Variants in EGFLAM observed in about 807,000 individuals in gnomAD.
The protein encoded by EGFLAM is pikachurin.
In EGFLAM, 79 loss-of-function variants were observed where a neutral mutation model predicts 113.1. That is an observed-to-expected ratio of 0.70 (90% CI 0.58 to 0.84). The LOEUF is 0.84. EGFLAM is among the 40% of genes least tolerant of loss of function. EGFLAM has a pLI of 0.00. For missense variants in EGFLAM, 1,265 were observed against 1,291.6 expected (o/e 0.98, Z 0.32); for synonymous variants, 504 against 487.6 (o/e 1.03, Z -0.44).
At chr5:38,452,111 A>G (rs1742938104) in intron 19 of EGFLAM, among the ~76,000 whole-genome samples, 1 of 143,044 alleles carries the variant, frequency 7.0e-6, no homozygotes, top group South Asian at 2.2e-4. Context: ...ATCTCGGCTC[A>G]CTGCAACCTC....
intron 1 of EGFLAM, among the ~76,000 whole-genome samples, chr5:38,263,368 A>C (rs1213384687): frequency 6.6e-6 from 1 of 152,204 alleles, no homozygotes; most frequent in East Asian, 1.9e-4. Flanking sequence ...AGGCTGAGGC[A>C]CGAGAATCAC....
At chr5:38,298,624 T>C (rs1458604626) in intron 1 of EGFLAM, among the ~76,000 whole-genome samples, 1 of 152,222 alleles carries the variant, frequency 6.6e-6, no homozygotes, top group African/African-American at 2.4e-5. Context: ...CAATACAATA[T>C]GTAAATATAT....
intron 6 of EGFLAM, among the ~76,000 whole-genome samples, chr5:38,376,697 G>C (rs748199112): frequency 2.0e-5 from 3 of 152,086 alleles, no homozygotes; most frequent in African/African-American, 7.2e-5. Flanking sequence ...ATAGGCTTCT[G>C]GTTTTCTTGA....
intron 1 of EGFLAM, among the ~76,000 whole-genome samples, chr5:38,269,161 G>A (rs895518131): frequency 3.9e-5 from 6 of 152,052 alleles, no homozygotes; most frequent in Admixed American, 1.3e-4. Flanking sequence ...CCTGGGCGAT[G>A]GGAGTGAGAC....
At chr5:38,288,640 G>A (rs1199603383) in intron 1 of EGFLAM, among the ~76,000 whole-genome samples, 2 of 152,116 alleles carry the variant, frequency 1.3e-5, no homozygotes, top group African/African-American at 4.8e-5. Flanking sequence ...GGAGAGAAGT[G>A]GTATTGTTCA....
At chr5:38,337,408 A>G (rs1416560039) in intron 1 of EGFLAM, 112 bp from the exon 2 acceptor site, 22 of 1,010,368 alleles carry the variant, frequency 2.2e-5, no homozygotes, top group Non-Finnish European at 3.0e-5. Context: ...TTCTGGAATT[A>G]TCTTTAAGTA....
In EGFLAM at chr5:38,421,474, T is replaced by A. The variant is rs960417875; in HGVS notation, c.1684+3219T>A. 2.0e-5 allele frequency among the ~76,000 whole-genome samples: 3 copies of A among 152,314 alleles called. No individual in the cohort carries two copies. In the East Asian group the frequency reaches 5.8e-4, roughly 29 times the overall value. On this transcript the variant is annotated intron_variant, in intron 12 of 21. Coordinates refer to ENST00000322350, the MANE Select transcript of EGFLAM (RefSeq NM_152403.4). ...TCAGGGGGTCTGCGGTGACCATGGG[T>A]CTCACTATGGCTTACGAGCTCTTTT...
chr5:38,423,583 G>A (rs1450261409), intron 12 of EGFLAM, among the ~76,000 whole-genome samples: 1 of 152,186 alleles, frequency 6.6e-6, no homozygotes, highest in Non-Finnish European at 1.5e-5. Flanking sequence ...CACAGAAATT[G>A]GCGGGGCTCA....
intron 3 of EGFLAM, among the ~76,000 whole-genome samples, chr5:38,349,077 T>C (rs1468976509): frequency 1.3e-5 from 2 of 152,202 alleles, no homozygotes; most frequent in Admixed American, 6.5e-5. Flanking sequence ...GTTGAATGCT[T>C]TAAAAAATTG....
chr5:38,377,830 TAC>T (rs2112052618), intron 6 of EGFLAM, among the ~76,000 whole-genome samples: 1 of 152,102 alleles, frequency 6.6e-6, no homozygotes, highest in African/African-American at 2.4e-5. Context: ...CTAAAAAGAG[TAC>T]AGTTTGCTGA....
intron 6 of EGFLAM, among the ~76,000 whole-genome samples, chr5:38,375,367 TCTCA>T (rs1285372448): frequency 6.6e-6 from 1 of 152,184 alleles, no homozygotes; most frequent in Non-Finnish European, 1.5e-5. Context: ...TTCTCGTCCC[TCTCA>T]CTCCTCTCTG....
intron 1 of EGFLAM, among the ~76,000 whole-genome samples, chr5:38,298,322 A>G (rs1758496353): frequency 6.6e-6 from 1 of 152,082 alleles, no homozygotes; most frequent in African/African-American, 2.4e-5. Flanking sequence ...ATTTTTAGGT[A>G]CTGTCTTCCA....
Position 38,418,109 on chromosome 5 carries a change from G to T in EGFLAM, c.1538G>T (p.Gly513Val). ...ACTTTCCGGACACCTCTCTATCTTG[G>T]TGGCGCTCCCAGCGCTTACTGGTTG... The part of the protein sequence containing the change: ...KITFRTPLYL[G>V]GAPSAYWLVR... Residue 513 changes from glycine (G) to valine (V), a missense_variant, in exon 12 of 22, where the codon GGT becomes GTT. By Grantham distance (109) the Gly-to-Val change is moderately radical. Coordinates refer to ENST00000322350, the MANE Select transcript of EGFLAM (RefSeq NM_152403.4). 1 of 1,614,124 alleles carries T rather than the reference G, an allele frequency of 6.2e-7. No individual in the cohort carries two copies. Among genetic ancestry groups the T allele is most frequent in the Non-Finnish European group, 8.5e-7 (1 of 1,180,006 alleles).
At position 38,321,526 on chromosome 5, in the gene EGFLAM, G is replaced by A. The variant is rs146586202; in HGVS notation, c.98-15994G>A. ...GGCTCCCACACAGAGTAGGTACTTG[G>A]AAGTGGTTTTGCGCCTTTACCTTCT... On this transcript the variant is annotated intron_variant, in intron 1 of 21. Transcript: ENST00000322350. 2.8e-3 allele frequency among the ~76,000 whole-genome samples: 430 copies of A among 152,270 alleles called. 3 individuals carry two copies. Among genetic ancestry groups the A allele is most frequent in the Non-Finnish European group, 4.4e-3 (299 of 68,016 alleles).
chr5:38,459,777 CTGCTGGGCCCCCAACCCTG>C (rs1215432021), intron 20 of EGFLAM, among the ~76,000 whole-genome samples: 7 of 24,372 alleles, frequency 2.9e-4, no homozygotes, highest in African/African-American at 2.7e-3. Context: ...CAACCCCTGG[CTGCTGGGCCCCCAACCCTG>C]GCTGTTGGGC....
At chr5:38,259,891 C>T (rs1190949178) in intron 1 of EGFLAM, among the ~76,000 whole-genome samples, 1 of 152,180 alleles carries the variant, frequency 6.6e-6, no homozygotes, top group African/African-American at 2.4e-5. Flanking sequence ...ATCGTCTTAG[C>T]GGGATCCCAT....
At position 38,463,906 on chromosome 5, in the gene EGFLAM, A is replaced by C; in HGVS notation, c.2950A>C (p.Thr984Pro). The C allele has an allele frequency of 1.2e-6, 2 of 1,614,122 alleles. No homozygotes were observed. The highest frequency in any genetic ancestry group is 4.5e-5 in the East Asian group (2 of 44,884). The change falls in exon 22 of 22, where the codon ACC (threonine) becomes CCC (proline). Residue 984 changes from threonine (T) to proline (P), a missense_variant. Coordinates refer to ENST00000322350, the MANE Select transcript of EGFLAM (RefSeq NM_152403.4). ...RGLVGCISHF[T>P]LSTDYHISLV... ...GCTCGTGGGCTGTATCTCTCACTTC[A>C]CCCTGTCCACCGATTACCACATTTC...
At position 38,443,308 on chromosome 5, in the gene EGFLAM, T is replaced by C. The variant is rs558098837; in HGVS notation, c.2464+4853T>C. Among the ~76,000 whole-genome samples the C allele has an allele frequency of 5.3e-5, 8 of 152,318 alleles. No individual in the cohort carries two copies. The East Asian group carries it at 1.2e-3, about 22-fold the overall frequency. On this transcript the variant is annotated intron_variant, in intron 17 of 21. Transcript: ENST00000322350. ...AGATGATTAGAGTCATGCTTTGATG[T>C]ATTTATGCACTAAAATGCGAAGGAT...
chr5:38,382,002 C>T (rs1406849074), intron 6 of EGFLAM, among the ~76,000 whole-genome samples: 2 of 152,066 alleles, frequency 1.3e-5, no homozygotes, highest in East Asian at 1.9e-4. Context: ...GCAGAAAAGT[C>T]GAAGGAGATG....
Sources: allele counts gnomAD v4.1 joint callset (sites outside exome capture counted in the v4.1 genomes callset), GRCh38; gene constraint gnomAD v4.1.1; transcripts MANE v1.5; gene names NCBI Gene and HGNC (gene_info 2026-07-23, HGNC 2026-07-21).